The following DOCK1 variants were observed in gnomAD, a reference collection of about 807,000 sequenced individuals.
The protein encoded by DOCK1 is dedicator of cytokinesis 1.
Under a neutral mutation model 262.7 loss-of-function variants are expected in DOCK1, and 138 were observed. The ratio of observed to expected loss-of-function variants is 0.53; its 90% confidence interval spans 0.46 to 0.61. The LOEUF is 0.61. DOCK1 is among the 20% of genes least tolerant of loss of function. DOCK1 has a pLI of 0.00. For synonymous variants in DOCK1, 866 were observed against 867.4 expected, an observed-to-expected ratio of 1.00 and a Z score of 0.03; for missense variants, 1,908 against 2,370.7, an observed-to-expected ratio of 0.80 and a Z score of 4.05.
intron 29 of DOCK1, among the ~76,000 whole-genome samples, chr10:127,267,955 T>C (rs1214882243): frequency 3.9e-5 from 6 of 152,178 alleles, no homozygotes; most frequent in Non-Finnish European, 8.8e-5. Flanking sequence ...AGGCTGTGTC[T>C]TCCGTGTCTT....
In DOCK1 at chr10:127,288,413, C is replaced by G. The variant is rs74158653; in HGVS notation, c.3044+30984C>G. 8.0e-3 allele frequency among the ~76,000 whole-genome samples: 1,219 copies of G among 152,244 alleles called. 16 individuals are homozygous for G. The highest frequency in any genetic ancestry group is 0.028 in the African/African-American group (1,175 of 41,530). ...ATAATCTGGACAACGAGGGTGCTCA[C>G]TGCAACTGAGTTACTCATTCTTTCC... On this transcript the variant is annotated intron_variant, in intron 29 of 51. Coordinates refer to ENST00000623213, the MANE Select transcript of DOCK1 (RefSeq NM_001290223.2).
chr10:126,937,014 A>G (rs1004106518), intron 1 of DOCK1, among the ~76,000 whole-genome samples: 1 of 151,958 alleles, frequency 6.6e-6, no homozygotes, highest in African/African-American at 2.4e-5. Flanking sequence ...TCATAATCAA[A>G]TGGCATTTGT....
Position 127,220,519 on chromosome 10 carries a change from G to GA in DOCK1, c.2848-27483dup, listed in dbSNP as rs148945393. The stretch of plus-strand genomic sequence containing the variant: ...CAATATTTAGGATATACTTACACTA[G>GA]AAAAAATGTTGCTTATCTGAAATTC... On this transcript the variant is annotated intron_variant, in intron 27 of 51. Transcript: ENST00000623213. 6.0e-3 allele frequency among the ~76,000 whole-genome samples: 918 copies of GA among 152,070 alleles called. 2 individuals carry two copies. Among genetic ancestry groups the GA allele is most frequent in the Non-Finnish European group, 8.5e-3 (578 of 68,004 alleles).
intron 25 of DOCK1, among the ~76,000 whole-genome samples, chr10:127,117,180 G>A (rs2132961537): frequency 6.6e-6 from 1 of 152,238 alleles, no homozygotes; most frequent in East Asian, 1.9e-4. Flanking sequence ...TATCTTCCGT[G>A]TGCTCAGAAC....
chr10:127,006,485 T>TCC (rs2041032594), intron 10 of DOCK1, among the ~76,000 whole-genome samples: 1 of 152,180 alleles, frequency 6.6e-6, no homozygotes. Context: ...GGGGAATTTT[T>TCC]CCCCCAAGTC....
chr10:127,410,801 C>A, intron 42 of DOCK1, 39 bp from the exon 43 acceptor site: 1 of 1,594,146 alleles, frequency 6.3e-7, no homozygotes, highest in Non-Finnish European at 8.6e-7. Flanking sequence ...TGGCTATTTG[C>A]CGGGTTAAAT....
chr10:127,041,120 G>C (rs573594520), intron 19 of DOCK1, among the ~76,000 whole-genome samples: 1 of 152,040 alleles, frequency 6.6e-6, no homozygotes, highest in Non-Finnish European at 1.5e-5. Flanking sequence ...ATGAAGTTGT[G>C]CTCTTGTTGG....
At chr10:127,219,974 G>C (rs1195838621) in intron 27 of DOCK1, among the ~76,000 whole-genome samples, 2 of 152,076 alleles carry the variant, frequency 1.3e-5, no homozygotes, top group Non-Finnish European at 2.9e-5. Context: ...AGAATCTACA[G>C]TTTTGAGATC....
intron 27 of DOCK1, chr10:127,146,067 C>A (rs753106569): frequency 1.9e-6 from 1 of 516,722 alleles, no homozygotes. Context: ...GCCAGGACTG[C>A]GTCCCGTATT....
chr10:127,020,506 G>C (rs983583642), intron 13 of DOCK1, among the ~76,000 whole-genome samples: 1 of 151,614 alleles, frequency 6.6e-6, no homozygotes, highest in Admixed American at 6.6e-5. Flanking sequence ...GGTCAAAGCC[G>C]TAGTGAGCCA....
chr10:127,076,465 C>T lies in DOCK1; in HGVS notation c.2445+14689C>T, dbSNP rs190599464. ...GCAGTGAGCCAAGATCACGCCACTGCACTCCAGCCTGGATGACAGAGCAAG... is the reference window on the plus strand; with the variant it reads ...GCAGTGAGCCAAGATCACGCCACTGTACTCCAGCCTGGATGACAGAGCAAG... On this transcript the variant is annotated intron_variant, in intron 23 of 51. Transcript: ENST00000623213. Among the ~76,000 whole-genome samples, 129 of 152,338 alleles carry T rather than the reference C, an allele frequency of 8.5e-4. 2 individuals carry two copies. In the East Asian group the frequency reaches 0.019, roughly 22 times the overall value.
At chr10:127,201,410 G>A (rs1421498955) in intron 27 of DOCK1, among the ~76,000 whole-genome samples, 1 of 152,178 alleles carries the variant, frequency 6.6e-6, no homozygotes, top group Non-Finnish European at 1.5e-5. Context: ...CACTCCTCTG[G>A]CTTTCTTTTC....
intron 23 of DOCK1, among the ~76,000 whole-genome samples, chr10:127,070,623 C>T (rs920376585): frequency 6.6e-6 from 1 of 151,718 alleles, no homozygotes; most frequent in Admixed American, 6.6e-5. Flanking sequence ...GTAGAGTTCA[C>T]TGGCAGGTCA....
chr10:127,138,142 A>T, intron 27 of DOCK1: 3 of 849,428 alleles, frequency 3.5e-6, no homozygotes, highest in Non-Finnish European at 5.4e-6. Flanking sequence ...ATGGTTTAAT[A>T]ATAGCAATTC....
intron 1 of DOCK1, among the ~76,000 whole-genome samples, chr10:126,942,491 C>G (rs2035089448): frequency 6.6e-6 from 1 of 152,064 alleles, no homozygotes. Flanking sequence ...GCAGGTAGAA[C>G]AGTAGAATAA....
At chr10:127,021,678 G>A (rs966896541) in intron 13 of DOCK1, among the ~76,000 whole-genome samples, 3 of 152,184 alleles carry the variant, frequency 2.0e-5, no homozygotes, top group African/African-American at 4.8e-5. Context: ...GGTTCTTCTC[G>A]TGGTCAGTAT....
chr10:126,913,911 G>T (rs1320546623), intron 1 of DOCK1, among the ~76,000 whole-genome samples: 1 of 152,190 alleles, frequency 6.6e-6, no homozygotes, highest in Non-Finnish European at 1.5e-5. Context: ...TTAAGCCTGA[G>T]TTTCTCCTTT....
intron 27 of DOCK1, among the ~76,000 whole-genome samples, chr10:127,211,016 A>T (rs1461689498): frequency 6.6e-6 from 1 of 152,144 alleles, no homozygotes. Context: ...TATTTAGAAC[A>T]CTTTATATCC....
intron 1 of DOCK1, among the ~76,000 whole-genome samples, chr10:126,956,386 C>T (rs879028254): frequency 0.39 from 58,987 of 151,980 alleles, 13,110 homozygotes; most frequent in Non-Finnish European, 0.5. Context: ...AGCCTACGAG[C>T]ATCTACCCTC....
Sources: allele counts gnomAD v4.1 joint callset (sites outside exome capture counted in the v4.1 genomes callset), GRCh38; gene constraint gnomAD v4.1.1; transcripts MANE v1.5; gene names NCBI Gene and HGNC (gene_info 2026-07-23, HGNC 2026-07-21).